The following ZNF652 variants were observed in gnomAD, a reference collection of about 807,000 sequenced individuals.
ZNF652 encodes zinc finger protein 652.
Under a neutral mutation model 45.2 loss-of-function variants are expected in ZNF652, and 16 were observed. The ratio of observed to expected loss-of-function variants is 0.35; its 90% confidence interval spans 0.24 to 0.54. ZNF652 has a LOEUF of 0.54. ZNF652 is among the 20% of genes least tolerant of loss of function. The pLI, the probability that ZNF652 is intolerant of heterozygous loss-of-function variation, is 0.91. For missense variants in ZNF652, 614 were observed against 765.6 expected (o/e 0.80, Z 2.34); for synonymous variants, 250 against 260.6 (o/e 0.96, Z 0.39).
intron 2 of ZNF652, among the ~76,000 whole-genome samples, chr17:49,314,308 C>T (rs1329780590): frequency 6.6e-6 from 1 of 151,680 alleles, no homozygotes; most frequent in African/African-American, 2.4e-5. Context: ...ACTACAGGTG[C>T]GTGCCACCAT....
At chr17:49,331,650 TAAAAAAATA>T (rs869098605) in intron 1 of ZNF652, among the ~76,000 whole-genome samples, 1 of 7,814 alleles carries the variant, frequency 1.3e-4, no homozygotes, top group African/African-American at 1.0e-3. Context: ...TTATAAAAAA[TAAAAAAATA>T]AAAAAATAAA....
intron 1 of ZNF652, among the ~76,000 whole-genome samples, chr17:49,351,019 ACACAC>A (rs1567700324): frequency 2.0e-4 from 5 of 25,496 alleles, no homozygotes; most frequent in East Asian, 1.5e-3. Context: ...ATATATACAC[ACACAC>A]ACACACACAC....
At position 49,317,878 on chromosome 17, in the gene ZNF652, T is replaced by C. The variant is rs118159908; in HGVS notation, c.-153A>G. 866 of 848,430 alleles carry C rather than the reference T, an allele frequency of 1.0e-3. 9 individuals are homozygous for C. In the East Asian group the frequency reaches 0.02, roughly 19 times the overall value. 52.6% of individuals were successfully genotyped at this position (848,430 alleles called of 1,614,324 possible). On this transcript the variant is annotated 5_prime_UTR_variant, in exon 2 of 6. Transcript: ENST00000430262. ...GAAACTGTGTGCAATTCTTCCAGTG[T>C]TGCAGCACCAAAGCATGAGTCAAAA...
In ZNF652 at chr17:49,316,833, TTTTTTTCAC is replaced by T; in HGVS notation, c.884_892del (p.Cys295_Asn298delinsTyr). Reference sequence around the variant, plus strand: ...CTCGGTGATGAAACCTACCTGAATGTTTTTTTCACAGTCTGTTTGCTGGTGAAGGGACAG... The same window carrying T: ...CTCGGTGATGAAACCTACCTGAATGTAGTCTGTTTGCTGGTGAAGGGACAG... On this transcript the variant is annotated inframe_deletion, in exon 2 of 6. Transcript: ENST00000430262. 6.2e-7 allele frequency: 1 copy of T among 1,609,158 alleles called. No homozygotes were observed. Among genetic ancestry groups the T allele is most frequent in the Non-Finnish European group, 8.5e-7 (1 of 1,177,990 alleles).
chr17:49,315,454 A>T (rs905598658), intron 2 of ZNF652, among the ~76,000 whole-genome samples: 5 of 152,188 alleles, frequency 3.3e-5, no homozygotes, highest in Admixed American at 3.3e-4. Flanking sequence ...CAGAATCCAC[A>T]AAACTTAAAC....
chr17:49,356,941 T>C (rs147916633), intron 1 of ZNF652, among the ~76,000 whole-genome samples: 1 of 151,318 alleles, frequency 6.6e-6, no homozygotes, highest in Non-Finnish European at 1.5e-5. Context: ...TAAAACTGTA[T>C]ACATGGCCCT....
Position 49,314,161 on chromosome 17 carries a change from AATC to A in ZNF652, c.901-1319_901-1317del, listed in dbSNP as rs535167002. ...TAGTATTACTCTCTCTCCTTTTTAA[AATC>A]ATTATTATTTTTTTTGAGATGGAGT... On this transcript the variant is annotated intron_variant, in intron 2 of 5. Transcript: ENST00000430262. Among the ~76,000 whole-genome samples the A allele has an allele frequency of 1.7e-4, 26 of 151,784 alleles. 1 individual carries two copies. The East Asian group carries it at 4.9e-3, about 28-fold the overall frequency.
Position 49,317,198 on chromosome 17 carries a change from C to A in ZNF652, c.528G>T (p.Lys176Asn). ...CTTTCTCTACTATCTTCTCCTTTTT[C>A]TTCTGCTTTTCATTCTCTCCATAGT... ...SNDYGENEKQ[K>N]KKEKIVEKVS... The change falls in exon 2 of 6, where the codon AAG (lysine) becomes AAT (asparagine). Residue 176 changes from lysine (K) to asparagine (N), a missense_variant. By Grantham distance (94) the Lys-to-Asn change is moderately conservative (BLOSUM62 0). Coordinates refer to ENST00000430262, the MANE Select transcript of ZNF652 (RefSeq NM_001145365.3). The A allele has an allele frequency of 6.2e-7, 1 of 1,613,632 alleles. No homozygotes were observed.
chr17:49,301,968 C>T (rs1439987292), intron 5 of ZNF652, among the ~76,000 whole-genome samples: 1 of 152,004 alleles, frequency 6.6e-6, no homozygotes, highest in African/African-American at 2.4e-5. Context: ...AACAATGTTA[C>T]AGGCTAGGTG....
Position 49,362,027 on chromosome 17 carries a change from C to G in ZNF652, c.-377G>C, listed in dbSNP as rs972846220. Reference sequence around the variant, plus strand: ...ACCGCCGGCTGGGCCAGCCCCTCCCCCCCTGCCCAACGTCTGTCCTCAGGG... The same window carrying G: ...ACCGCCGGCTGGGCCAGCCCCTCCCGCCCTGCCCAACGTCTGTCCTCAGGG... On this transcript the variant is annotated 5_prime_UTR_variant, in exon 1 of 6. Coordinates refer to ENST00000430262, the MANE Select transcript of ZNF652 (RefSeq NM_001145365.3). 4.7e-5 allele frequency: 7 copies of G among 149,750 alleles called. No homozygotes were observed. The highest frequency in any genetic ancestry group is 1.5e-4 in the African/African-American group (6 of 41,272). 9.3% of individuals were successfully genotyped at this position (149,750 alleles called of 1,614,324 possible).
Position 49,295,953 on chromosome 17 carries a change from A to AAAAAC in ZNF652, c.*2459_*2460insGTTTT, listed in dbSNP as rs2069469793. 6.6e-6 allele frequency: 1 copy of AAAAAC among 150,624 alleles called. No individual in the cohort carries two copies. The highest frequency in any genetic ancestry group is 2.4e-5 in the African/African-American group (1 of 41,088). The allele number at this position is 150,624 out of a possible 1,614,324, so 9.3% of individuals were successfully genotyped here. On this transcript the variant is annotated 3_prime_UTR_variant, in exon 6 of 6. Coordinates refer to ENST00000430262, the MANE Select transcript of ZNF652 (RefSeq NM_001145365.3). The stretch of plus-strand genomic sequence containing the variant: ...ACTCTGCCTCAAAAAAAAAAAAAAA[A>AAAAAC]AAAAAAAAAAAACAGAACAAAATAT...
chr17:49,344,060 G>T (rs1223247302), intron 1 of ZNF652, among the ~76,000 whole-genome samples: 1 of 152,040 alleles, frequency 6.6e-6, no homozygotes, highest in Non-Finnish European at 1.5e-5. Flanking sequence ...AATTAGCCGG[G>T]TGTGGTGGCG....
At chr17:49,338,462 G>T (rs1027040205) in intron 1 of ZNF652, among the ~76,000 whole-genome samples, 3 of 152,128 alleles carry the variant, frequency 2.0e-5, no homozygotes, top group Admixed American at 1.3e-4. Flanking sequence ...AAAGAAGAGG[G>T]GTCCTGACTG....
intron 1 of ZNF652, among the ~76,000 whole-genome samples, chr17:49,331,145 G>A (rs1457968121): frequency 8.3e-5 from 11 of 133,216 alleles, no homozygotes; most frequent in Non-Finnish European, 1.3e-4. Flanking sequence ...TTTTTGGGAC[G>A]GAGTCTCGCT....
At position 49,295,838 on chromosome 17, in the gene ZNF652, T is replaced by G. The variant is rs553808099; in HGVS notation, c.*2575A>C. Reference sequence around the variant, plus strand: ...CTGTAATTCCAGCTACTCGGGAGGCTGAGGCAGGAGAATCACTTGAACCCG... The same window carrying G: ...CTGTAATTCCAGCTACTCGGGAGGCGGAGGCAGGAGAATCACTTGAACCCG... On this transcript the variant is annotated 3_prime_UTR_variant, in exon 6 of 6. Transcript: ENST00000430262. 3.4e-5 allele frequency: 5 copies of G among 146,038 alleles called. No homozygotes were observed. The highest frequency in any genetic ancestry group is 7.4e-5 in the Non-Finnish European group (5 of 67,570). 9.0% of individuals were successfully genotyped at this position (146,038 alleles called of 1,614,324 possible). A position where few individuals can be genotyped will look rare whatever the true frequency, so the allele number is the denominator to read the frequency against.
intron 1 of ZNF652, among the ~76,000 whole-genome samples, chr17:49,343,171 C>T (rs917902648): frequency 1.3e-5 from 2 of 152,144 alleles, no homozygotes; most frequent in Admixed American, 6.6e-5. Context: ...CGTGGGCCAC[C>T]GCATCCGGCC....
At chr17:49,328,541 G>A (rs557495816) in intron 1 of ZNF652, among the ~76,000 whole-genome samples, 3 of 152,230 alleles carry the variant, frequency 2.0e-5, no homozygotes, top group South Asian at 4.1e-4. Context: ...TGCTGTCCTC[G>A]AAGGAATGAG....
chr17:49,288,966 CAA>C (rs2069368058), downstream of ZNF652, among the ~76,000 whole-genome samples: 1 of 152,120 alleles, frequency 6.6e-6, no homozygotes, highest in African/African-American at 2.4e-5. Flanking sequence ...AACAGCGCTG[CAA>C]AGAGAGAACT....
intron 5 of ZNF652, among the ~76,000 whole-genome samples, chr17:49,305,125 G>C (rs993071263): frequency 6.6e-6 from 1 of 152,010 alleles, no homozygotes; most frequent in African/African-American, 2.4e-5. Flanking sequence ...ACTAACCCTT[G>C]ATTCTTCCCT....
Sources: gnomAD v4.1 joint callset for allele counts (sites outside exome capture counted in the v4.1 genomes callset) on GRCh38, gnomAD v4.1.1 for gene constraint, MANE v1.5 for transcripts, NCBI Gene and HGNC (gene_info 2026-07-23, HGNC 2026-07-21) for gene names.